The following CORIN variants were observed in gnomAD, a reference collection of about 807,000 sequenced individuals.
The protein encoded by CORIN is corin, serine peptidase.
Under a neutral mutation model 125.3 loss-of-function variants are expected in CORIN, and 117 were observed. The observed-to-expected ratio is 0.93, with a 90% CI of 0.80 to 1.09. The LOEUF (loss-of-function observed/expected upper bound fraction) is 1.09, where lower values mean the gene tolerates loss of function less well. CORIN is among the 50% of genes least tolerant of loss of function. The probability of loss-of-function intolerance (pLI) is 0.00; values close to 1 mark genes in which losing one functional copy is unlikely to be tolerated. For synonymous variants in CORIN, 450 were observed against 466.4 expected (o/e 0.96, Z 0.45); for missense variants, 1,253 against 1,306.7 (o/e 0.96, Z 0.63).
intron 1 of CORIN, among the ~76,000 whole-genome samples, chr4:47,834,856 G>A (rs4694868): frequency 0.83 from 125,614 of 152,198 alleles, 52,059 homozygotes; most frequent in East Asian, 0.98. Context: ...CTTCTAGTAC[G>A]TATTCCACAG....
intron 21 of CORIN, among the ~76,000 whole-genome samples, chr4:47,599,872 T>C (rs1425128657): frequency 1.3e-5 from 2 of 152,178 alleles, no homozygotes; most frequent in Non-Finnish European, 2.9e-5. Flanking sequence ...GTGGAAGCCA[T>C]GGTTACTACT....
At chr4:47,674,993 T>C (rs1395293683) in intron 9 of CORIN, among the ~76,000 whole-genome samples, 1 of 152,196 alleles carries the variant, frequency 6.6e-6, no homozygotes, top group Non-Finnish European at 1.5e-5. Context: ...TACTTTACCA[T>C]AATACAAGTG....
intron 15 of CORIN, 195 bp downstream of exon 15, chr4:47,642,951 G>A: frequency 6.5e-7 from 1 of 1,535,042 alleles, no homozygotes; most frequent in Non-Finnish European, 8.7e-7. Context: ...ATTTCAAATA[G>A]AGAAGTAGCT....
chr4:47,686,573 G>A (rs1200615885), intron 6 of CORIN, among the ~76,000 whole-genome samples: 2 of 152,138 alleles, frequency 1.3e-5, no homozygotes, highest in Admixed American at 1.3e-4. Flanking sequence ...TGCCCACAGG[G>A]TAGATCTGGG....
At chr4:47,748,880 T>C (rs145604210) in intron 4 of CORIN, among the ~76,000 whole-genome samples, 158 of 152,294 alleles carry the variant, frequency 1.0e-3, no homozygotes, top group African/African-American at 3.6e-3. Flanking sequence ...AATTTCCATA[T>C]ATCCTTCATC....
intron 5 of CORIN, among the ~76,000 whole-genome samples, chr4:47,696,084 A>T (rs1359958119): frequency 6.6e-6 from 1 of 152,214 alleles, no homozygotes; most frequent in Non-Finnish European, 1.5e-5. Context: ...CAAAAGACAA[A>T]TGTCTGTCTT....
intron 13 of CORIN, among the ~76,000 whole-genome samples, chr4:47,650,353 G>C (rs1205927483): frequency 6.6e-6 from 1 of 152,172 alleles, no homozygotes. Flanking sequence ...ATGTAATAAA[G>C]GATTTTATTT....
intron 3 of CORIN, among the ~76,000 whole-genome samples, chr4:47,782,793 A>G (rs1167708205): frequency 6.6e-6 from 1 of 152,244 alleles, no homozygotes; most frequent in Non-Finnish European, 1.5e-5. Flanking sequence ...AAGAAGGCAG[A>G]TACAAAGGAC....
chr4:47,706,492 C>T (rs1726560985), intron 5 of CORIN: 6 of 1,611,522 alleles, frequency 3.7e-6, no homozygotes, highest in East Asian at 2.2e-5. Context: ...CAGGGCTCCC[C>T]GCCCCACCCG....
chr4:47,800,606 T>C (rs561072247), intron 2 of CORIN, among the ~76,000 whole-genome samples: 11 of 152,162 alleles, frequency 7.2e-5, no homozygotes, highest in African/African-American at 2.4e-4. Flanking sequence ...GCAGGCCAGG[T>C]CTGGAAGGGT....
At chr4:47,719,757 A>G (rs1302412622) in intron 5 of CORIN, among the ~76,000 whole-genome samples, 1 of 152,232 alleles carries the variant, frequency 6.6e-6, no homozygotes, top group East Asian at 1.9e-4. Context: ...GAAACAGCTT[A>G]GCAACTGAAA....
intron 13 of CORIN, among the ~76,000 whole-genome samples, chr4:47,652,316 G>T (rs934636864): frequency 6.6e-6 from 1 of 152,160 alleles, no homozygotes; most frequent in African/African-American, 2.4e-5. Flanking sequence ...TTGATTGCTT[G>T]TGACATTTTT....
At chr4:47,765,643 G>A (rs1332417574) in intron 3 of CORIN, among the ~76,000 whole-genome samples, 1 of 152,154 alleles carries the variant, frequency 6.6e-6, no homozygotes, top group Non-Finnish European at 1.5e-5. Context: ...AATGTATGAG[G>A]ATGTCTGCTT....
At chr4:47,708,776 G>C (rs1726699643) in intron 5 of CORIN, among the ~76,000 whole-genome samples, 1 of 152,094 alleles carries the variant, frequency 6.6e-6, no homozygotes, top group African/African-American at 2.4e-5. Flanking sequence ...TTTGGCTCTG[G>C]TCTTATTTCG....
intron 12 of CORIN, among the ~76,000 whole-genome samples, chr4:47,657,346 A>G (rs914256991): frequency 4.6e-5 from 7 of 152,022 alleles, no homozygotes; most frequent in Non-Finnish European, 1.0e-4. Flanking sequence ...ATCCTGGCTA[A>G]CACAGTAAAA....
chr4:47,743,803 C>G (rs1454168014), intron 5 of CORIN, among the ~76,000 whole-genome samples: 1 of 151,694 alleles, frequency 6.6e-6, no homozygotes, highest in Non-Finnish European at 1.5e-5. Flanking sequence ...GAGAATTGCT[C>G]GAACCCGAAA....
At chr4:47,764,701 G>A (rs1398493738) in intron 3 of CORIN, among the ~76,000 whole-genome samples, 1 of 152,128 alleles carries the variant, frequency 6.6e-6, no homozygotes, top group Non-Finnish European at 1.5e-5. Flanking sequence ...ATTACTTAGA[G>A]CTAATGTAGA....
intron 4 of CORIN, among the ~76,000 whole-genome samples, chr4:47,749,509 C>T (rs549690543): frequency 1.3e-5 from 2 of 152,290 alleles, no homozygotes; most frequent in Non-Finnish European, 2.9e-5. Context: ...CCAGGTCAAG[C>T]CTTCAGATAA....
chr4:47,669,726 G>A (rs1364981350), intron 10 of CORIN, among the ~76,000 whole-genome samples: 2 of 151,900 alleles, frequency 1.3e-5, no homozygotes, highest in African/African-American at 4.8e-5. Flanking sequence ...CCACCACCAC[G>A]TCCAGCTAAT....
Sources: allele counts gnomAD v4.1 joint callset (sites outside exome capture counted in the v4.1 genomes callset), GRCh38; gene constraint gnomAD v4.1.1; transcripts MANE v1.5; gene names NCBI Gene and HGNC (gene_info 2026-07-23, HGNC 2026-07-21).